WSCD1: variants seen among roughly 807,000 people sequenced by gnomAD.
WSCD1 encodes the protein WSC domain sialate O sulfotransferase 1, also known as sialate:O-sulfotransferase 1.
Under a neutral mutation model 60.4 loss-of-function variants are expected in WSCD1, and 41 were observed. The observed-to-expected ratio is 0.68, with a 90% confidence interval of 0.53 to 0.88. WSCD1 has a LOEUF of 0.88. Ranked by LOEUF, WSCD1 falls within the 40% of genes least tolerant of loss-of-function variation. WSCD1 has a pLI of 0.00. For missense variants in WSCD1, 784 were observed against 796.2 expected (o/e 0.98, Z 0.18); for synonymous variants, 361 against 332.5 (o/e 1.09, Z -0.93).
At chr17:6,119,789 T>C (rs1166086940) in intron 8 of WSCD1, among the ~76,000 whole-genome samples, 3 of 152,186 alleles carry the variant, frequency 2.0e-5, no homozygotes, top group Non-Finnish European at 4.4e-5. Context: ...TCAGACGGCG[T>C]TTGAGGTGTG....
At chr17:6,077,755 G>T (rs1290519526) in intron 1 of WSCD1, among the ~76,000 whole-genome samples, 3 of 152,200 alleles carry the variant, frequency 2.0e-5, no homozygotes, top group Non-Finnish European at 4.4e-5. Context: ...ATTCCGAATT[G>T]TTGAACTCCT....
intron 2 of WSCD1, 106 bp downstream of exon 2, chr17:6,081,191 G>C (rs1909249632): frequency 4.6e-6 from 6 of 1,312,168 alleles, no homozygotes; most frequent in Non-Finnish European, 6.1e-6. Flanking sequence ...TTCACCGCTA[G>C]ATGGTTCTTT....
At chr17:6,112,968 CA>C (rs1256621953) in intron 7 of WSCD1, among the ~76,000 whole-genome samples, 8 of 152,104 alleles carry the variant, frequency 5.3e-5, no homozygotes, top group Admixed American at 2.6e-4. Context: ...TATGGAACCA[CA>C]AAAGACCCTG....
At chr17:6,116,895 G>C (rs1033789574) in intron 7 of WSCD1, among the ~76,000 whole-genome samples, 1 of 152,194 alleles carries the variant, frequency 6.6e-6, no homozygotes, top group Non-Finnish European at 1.5e-5. Flanking sequence ...TCAGGGCTGG[G>C]AGCATGGGCT....
upstream of WSCD1, chr17:6,069,426 TGTGAGA>T (rs1452045113): frequency 1.5e-3 from 388 of 260,798 alleles, no homozygotes; most frequent in East Asian, 8.3e-3. Flanking sequence ...TGTGTGTGTG[TGTGAGA>T]GAGAGAGAGA....
At chr17:6,097,988 A>T (rs1477774849) in intron 5 of WSCD1, among the ~76,000 whole-genome samples, 2 of 148,120 alleles carry the variant, frequency 1.4e-5, no homozygotes, top group Admixed American at 6.8e-5. Context: ...TTCCGCTCTG[A>T]TGCCCAGGTT....
In WSCD1 at chr17:6,118,033, G is replaced by T. The variant is rs1904403153; in HGVS notation, c.1220G>T (p.Cys407Phe). ...KDHWRSRRTI[C>F]VKTHESGRRE... The stretch of plus-strand genomic sequence containing the variant: ...CACTGGCGGAGCCGACGCACCATCT[G>T]TGTCAAAACCCACGAGAGTGGCAGG... Residue 407 changes from cysteine (C) to phenylalanine (F), a missense_variant, in exon 8 of 9, where the codon TGT becomes TTT. By Grantham distance (205) the Cys-to-Phe change is radical (BLOSUM62 -2). Coordinates refer to ENST00000317744, the MANE Select transcript of WSCD1 (RefSeq NM_015253.2). This position sits in a 1 kb window ranked among gnomAD's most constrained non-coding sequence, Gnocchi z 5.8. The T allele has an allele frequency of 1.2e-6, 2 of 1,614,052 alleles. No individual in the cohort carries two copies. Among genetic ancestry groups the T allele is most frequent in the Non-Finnish European group, 1.7e-6 (2 of 1,180,048 alleles).
intron 8 of WSCD1, among the ~76,000 whole-genome samples, 154 bp from the exon 9 acceptor site, chr17:6,120,155 C>G (rs1703506906): frequency 6.6e-6 from 1 of 152,222 alleles, no homozygotes; most frequent in South Asian, 2.1e-4. Context: ...GCTCAGCCAC[C>G]AAAGGGTCCT....
chr17:6,120,621 A>G lies in WSCD1; in HGVS notation c.1688A>G (p.His563Arg). The G allele has an allele frequency of 2.5e-6, 4 of 1,613,348 alleles. No individual in the cohort carries two copies. Among genetic ancestry groups the G allele is most frequent in the East Asian group, 2.2e-5 (1 of 44,862 alleles). The change falls in exon 9 of 9, where the codon CAC becomes CGC. Residue 563 changes from histidine (H) to arginine (R), a missense_variant. Coordinates refer to ENST00000317744, the MANE Select transcript of WSCD1 (RefSeq NM_015253.2). Reference sequence around the variant, plus strand: ...ACGGTGGACCAAGCCCTGCGTGACCACAACTGGACGGGGCTGCCCAGGGAG... The same window carrying G: ...ACGGTGGACCAAGCCCTGCGTGACCGCAACTGGACGGGGCTGCCCAGGGAG... ...IRTVDQALRDHNWTGLPREYV... is the reference protein window; with the variant it reads ...IRTVDQALRDRNWTGLPREYV...
intron 5 of WSCD1, among the ~76,000 whole-genome samples, chr17:6,102,234 A>C (rs770923854): frequency 1.1e-4 from 16 of 152,216 alleles, no homozygotes; most frequent in Non-Finnish European, 2.1e-4. Flanking sequence ...ATTAATATGG[A>C]ACCTGTTTGT....
intron 5 of WSCD1, among the ~76,000 whole-genome samples, chr17:6,106,412 A>G (rs1002953092): frequency 6.6e-5 from 10 of 152,252 alleles, no homozygotes; most frequent in African/African-American, 2.4e-4. Context: ...ATGGAATACT[A>G]CACAGCAATG....
chr17:6,072,153 G>T (rs1908583531), intron 1 of WSCD1, among the ~76,000 whole-genome samples: 1 of 152,260 alleles, frequency 6.6e-6, no homozygotes, highest in Non-Finnish European at 1.5e-5. Flanking sequence ...GCCCTATGGG[G>T]TACTGCCCTG....
intron 5 of WSCD1, among the ~76,000 whole-genome samples, chr17:6,106,662 T>G (rs1365174624): frequency 2.0e-5 from 3 of 152,146 alleles, no homozygotes; most frequent in Admixed American, 6.5e-5. Context: ...CTGCCTGTCT[T>G]GATTGAATGG....
intron 5 of WSCD1, among the ~76,000 whole-genome samples, chr17:6,108,714 C>T (rs1046369398): frequency 3.3e-5 from 5 of 152,216 alleles, no homozygotes; most frequent in African/African-American, 1.2e-4. Context: ...GCACCTTGCT[C>T]AAGGGTGCCT....
chr17:6,069,591 C>T (rs1908397885), upstream of WSCD1, among the ~76,000 whole-genome samples: 1 of 151,582 alleles, frequency 6.6e-6, no homozygotes, highest in East Asian at 1.9e-4. Flanking sequence ...GATAAGCCGG[C>T]GGCCGACCCC....
At chr17:6,092,268 G>A (rs978674613) in intron 4 of WSCD1, among the ~76,000 whole-genome samples, 4 of 151,904 alleles carry the variant, frequency 2.6e-5, no homozygotes, top group East Asian at 3.9e-4. Flanking sequence ...CCTGAGAACC[G>A]TGGGTGAACC....
In WSCD1 at chr17:6,080,557, C is replaced by A; in HGVS notation, c.-102C>A. 7.8e-7 allele frequency: 1 copy of A among 1,284,618 alleles called. No individual in the cohort carries two copies. Among genetic ancestry groups the A allele is most frequent in the Non-Finnish European group, 1.1e-6 (1 of 914,136 alleles). The allele number at this position is 1,284,618 out of a possible 1,614,324, so 79.6% of individuals were successfully genotyped here. ...GGCGAGCACAGGCAGGTGCCAGGAG[C>A]CAGGATGCAAGGATGACGCCTCCGG... On this transcript the variant is annotated 5_prime_UTR_variant, in exon 2 of 9. Coordinates refer to ENST00000317744, the MANE Select transcript of WSCD1 (RefSeq NM_015253.2). The surrounding 1 kb of genome is among the most constrained non-coding windows in gnomAD (Gnocchi z 6.6).
intron 1 of WSCD1, among the ~76,000 whole-genome samples, chr17:6,073,185 C>T (rs577778257): frequency 5.9e-5 from 9 of 152,198 alleles, no homozygotes; most frequent in African/African-American, 2.2e-4. Context: ...TTGGGCACTC[C>T]ACTCACTTGT....
intron 5 of WSCD1, among the ~76,000 whole-genome samples, chr17:6,098,151 C>T (rs1460963839): frequency 2.6e-4 from 3 of 11,582 alleles, no homozygotes; most frequent in South Asian, 2.5e-3. Flanking sequence ...GACAGGGGGG[C>T]GGGGTGGGGG....
Sources: gnomAD v4.1 joint callset for allele counts (sites outside exome capture counted in the v4.1 genomes callset) on GRCh38, gnomAD v4.1.1 for gene constraint, Gnocchi (gnomAD v3.1) non-coding constraint, MANE v1.5 for transcripts, NCBI Gene and HGNC (gene_info 2026-07-23, HGNC 2026-07-21) for gene names.